The following NKAIN1 variants were observed in gnomAD, a reference collection of about 807,000 sequenced individuals.
NKAIN1 encodes the protein sodium/potassium-transporting ATPase subunit beta-1-interacting protein 1.
NKAIN1 carries 13 observed loss-of-function variants against 31.6 expected under a neutral mutation model. The observed-to-expected ratio is 0.41, with a 90% CI of 0.27 to 0.65. The LOEUF (loss-of-function observed/expected upper bound fraction) is 0.65. Ranked by LOEUF, NKAIN1 falls within the 30% of genes least tolerant of loss-of-function variation. The probability of loss-of-function intolerance (pLI) is 0.30; values close to 1 mark genes in which losing one functional copy is unlikely to be tolerated. For missense variants in NKAIN1, 193 were observed against 262.2 expected, an observed-to-expected ratio of 0.74 and a Z score of 1.82; for synonymous variants, 104 against 109.0, an observed-to-expected ratio of 0.95 and a Z score of 0.28.
At chr1:31,209,375 CAAACAAAACA>C (rs956820396) in intron 1 of NKAIN1, among the ~76,000 whole-genome samples, 1 of 151,830 alleles carries the variant, frequency 6.6e-6, no homozygotes, top group Non-Finnish European at 1.5e-5. Context: ...AACTCCATCT[CAAACAAAACA>C]AAACAAAACA....
intron 1 of NKAIN1, among the ~76,000 whole-genome samples, chr1:31,200,048 T>C (rs1054097143): frequency 2.0e-5 from 2 of 99,680 alleles, no homozygotes; most frequent in African/African-American, 5.7e-5. Context: ...CATGCACACG[T>C]GCACACACGC....
chr1:31,198,131 C>T (rs115476533), intron 1 of NKAIN1, among the ~76,000 whole-genome samples: 2 of 152,116 alleles, frequency 1.3e-5, no homozygotes, highest in African/African-American at 2.4e-5. Context: ...GGTTCACTGC[C>T]GTATTTTCAG....
At chr1:31,225,444 A>G (rs1569578785) in intron 1 of NKAIN1, among the ~76,000 whole-genome samples, 2 of 143,770 alleles carry the variant, frequency 1.4e-5, no homozygotes. Flanking sequence ...AGCAATTCTC[A>G]TGCCTCACCC....
In NKAIN1 at chr1:31,239,528, C is replaced by G; in HGVS notation, c.20G>C (p.Arg7Pro). The G allele has an allele frequency of 7.3e-7, 1 of 1,369,354 alleles. No individual in the cohort carries two copies. Among genetic ancestry groups the G allele is most frequent in the South Asian group, 1.7e-5 (1 of 59,476 alleles). 84.8% of individuals were successfully genotyped at this position (1,369,354 alleles called of 1,614,324 possible). A position where few individuals can be genotyped will look rare whatever the true frequency, so the allele number is the denominator to read the frequency against. Residue 7 changes from arginine (R) to proline (P), a missense_variant, in exon 1 of 7, where the codon CGC becomes CCC. Physicochemically the swap from Arg to Pro is moderately radical, Grantham distance 103. Coordinates refer to ENST00000373736, the MANE Select transcript of NKAIN1 (RefSeq NM_024522.3). This position sits in a 1 kb window ranked among gnomAD's most constrained non-coding sequence, Gnocchi z 4.8. ...GCAGCAGAAGGCGACCAGCGTGCAG[C>G]GCCCGCTGCACTTGCCCATGGCTCC... MGKCSG[R>P]CTLVAFCCLQ...
intron 1 of NKAIN1, among the ~76,000 whole-genome samples, chr1:31,217,366 A>C (rs529941985): frequency 6.6e-6 from 1 of 152,134 alleles, no homozygotes; most frequent in South Asian, 2.1e-4. Context: ...GGGTCTCACT[A>C]TGTTGTCCAA....
chr1:31,193,315 G>T lies in NKAIN1; in HGVS notation c.55-5128C>A, dbSNP rs186983002. ...CATCTCCTGACTTTGTGATCCACCC[G>T]CCTCAGCCTCCCAAAGTGCTGGGAT... On this transcript the variant is annotated intron_variant, in intron 1 of 6. Coordinates refer to ENST00000373736, the MANE Select transcript of NKAIN1 (RefSeq NM_024522.3). Among the ~76,000 whole-genome samples, 806 of 150,614 alleles carry T rather than the reference G, an allele frequency of 5.4e-3. 5 individuals carry two copies. Among genetic ancestry groups the T allele is most frequent in the African/African-American group, 0.018 (758 of 41,086 alleles).
At chr1:31,197,613 C>G (rs1398409399) in intron 1 of NKAIN1, among the ~76,000 whole-genome samples, 2 of 137,198 alleles carry the variant, frequency 1.5e-5, no homozygotes, top group Non-Finnish European at 3.1e-5. Context: ...GTGGCGCGAT[C>G]TCGGCTTGCT....
At chr1:31,213,694 G>T (rs548320598) in intron 1 of NKAIN1, among the ~76,000 whole-genome samples, 1 of 152,258 alleles carries the variant, frequency 6.6e-6, no homozygotes, top group African/African-American at 2.4e-5. Flanking sequence ...CTGATGGATG[G>T]ATAAAAAATT....
chr1:31,237,070 A>G (rs1338253041), intron 1 of NKAIN1, among the ~76,000 whole-genome samples: 1 of 152,106 alleles, frequency 6.6e-6, no homozygotes, highest in Non-Finnish European at 1.5e-5. Context: ...CTGGGCAACA[A>G]GAGTGAGACC....
At chr1:31,181,818 G>T in intron 6 of NKAIN1, 42 bp downstream of exon 6, 1 of 1,579,144 alleles carries the variant, frequency 6.3e-7, no homozygotes, top group Non-Finnish European at 8.6e-7. Flanking sequence ...TCGCAACCCC[G>T]ACGCCCAGGC....
At chr1:31,220,003 A>ACTTTTTTTTTTTT (rs138578415) in intron 1 of NKAIN1, among the ~76,000 whole-genome samples, 1 of 127,784 alleles carries the variant, frequency 7.8e-6, no homozygotes. Context: ...GAACACTCAG[A>ACTTTTTTTTTTTT]TTTTTTTTTT....
chr1:31,209,989 T>TAAA (rs71569969), intron 1 of NKAIN1, among the ~76,000 whole-genome samples: 6,446 of 137,100 alleles, frequency 0.047, 298 homozygotes, highest in African/African-American at 0.12. Context: ...CCTGTCTTAT[T>TAAA]AAAAAAAAAA....
intron 1 of NKAIN1, among the ~76,000 whole-genome samples, chr1:31,198,986 C>G (rs1484813203): frequency 6.6e-6 from 1 of 152,224 alleles, no homozygotes; most frequent in Non-Finnish European, 1.5e-5. Context: ...TTGAACCCAT[C>G]AGAAGTCTCT....
chr1:31,226,610 C>T (rs150046747), intron 1 of NKAIN1, among the ~76,000 whole-genome samples: 7 of 151,936 alleles, frequency 4.6e-5, no homozygotes, highest in African/African-American at 7.2e-5. Flanking sequence ...CTGCAACCTC[C>T]GCCTCCCGGG....
intron 1 of NKAIN1, among the ~76,000 whole-genome samples, chr1:31,198,621 C>T (rs999201882): frequency 6.6e-6 from 1 of 152,138 alleles, no homozygotes; most frequent in Non-Finnish European, 1.5e-5. Flanking sequence ...TGCCAACCCC[C>T]CTGCCCTCCA....
intron 1 of NKAIN1, among the ~76,000 whole-genome samples, chr1:31,214,719 T>C (rs532906357): frequency 6.6e-6 from 1 of 151,930 alleles, no homozygotes; most frequent in African/African-American, 2.4e-5. Flanking sequence ...GGTAACAGGA[T>C]AAGGAGGAAA....
At chr1:31,231,083 C>A (rs1347123691) in intron 1 of NKAIN1, among the ~76,000 whole-genome samples, 2 of 151,828 alleles carry the variant, frequency 1.3e-5, no homozygotes, top group Non-Finnish European at 2.9e-5. Flanking sequence ...GGGGTTTCAC[C>A]ACGTTGGCCA....
intron 1 of NKAIN1, among the ~76,000 whole-genome samples, chr1:31,215,111 G>A (rs6680565): frequency 0.49 from 74,624 of 152,004 alleles, 19,461 homozygotes; most frequent in Non-Finnish European, 0.57. Context: ...CTTATTTAGC[G>A]GCAGCTCCTT....
chr1:31,195,236 A>C (rs1230500392), intron 1 of NKAIN1, among the ~76,000 whole-genome samples: 1 of 148,914 alleles, frequency 6.7e-6, no homozygotes, highest in Non-Finnish European at 1.5e-5. Flanking sequence ...CTCCTGCCTC[A>C]GCCTTCCCAG....
Sources: gnomAD v4.1 joint callset for allele counts (sites outside exome capture counted in the v4.1 genomes callset) on GRCh38, gnomAD v4.1.1 for gene constraint, Gnocchi (gnomAD v3.1) non-coding constraint, MANE v1.5 for transcripts, NCBI Gene and HGNC (gene_info 2026-07-23, HGNC 2026-07-21) for gene names.